GRB10: variants seen among roughly 807,000 people sequenced by gnomAD.
GRB10 encodes growth factor receptor bound protein 10.
A neutral mutation model predicts 80.9 loss-of-function variants in GRB10; 20 were observed. The observed-to-expected ratio is 0.25, with a 90% CI of 0.17 to 0.36. The LOEUF (loss-of-function observed/expected upper bound fraction) is 0.36, where lower values mean the gene tolerates loss of function less well. Among genes scored for constraint, GRB10 ranks in the 10% least tolerant of loss-of-function variants. GRB10 has a pLI of 1.00. For missense variants in GRB10, 548 were observed against 747.7 expected (o/e 0.73, Z 3.12); for synonymous variants, 291 against 291.5 (o/e 1.00, Z 0.02).
intron 4 of GRB10, among the ~76,000 whole-genome samples, chr7:50,724,517 A>T (rs2068273481): frequency 6.6e-6 from 1 of 152,204 alleles, no homozygotes; most frequent in Non-Finnish European, 1.5e-5. Context: ...CCTTCAAAAA[A>T]GTCAACATTG....
At chr7:50,604,946 G>A in intron 15 of GRB10, 2 of 327,034 alleles carry the variant, frequency 6.1e-6, no homozygotes, top group Non-Finnish European at 1.1e-5. Context: ...GTGAGCACCT[G>A]CTGGCCCCAC....
intron 4 of GRB10, among the ~76,000 whole-genome samples, chr7:50,709,434 G>C (rs1192829641): frequency 6.6e-6 from 1 of 152,212 alleles, no homozygotes; most frequent in Admixed American, 6.5e-5. Flanking sequence ...CAGCTGGGCT[G>C]TTCCTTCCGT....
intron 4 of GRB10, among the ~76,000 whole-genome samples, chr7:50,707,510 C>T (rs999555143): frequency 2.0e-5 from 3 of 152,228 alleles, no homozygotes; most frequent in Non-Finnish European, 4.4e-5. Context: ...TCCCCTCTTG[C>T]TTCTTTTATA....
chr7:50,791,118 C>G (rs2078897092), intron 1 of GRB10, among the ~76,000 whole-genome samples: 1 of 152,124 alleles, frequency 6.6e-6, no homozygotes, highest in South Asian at 2.1e-4. Context: ...AACGCTGCCC[C>G]AAAAGTGACC....
chr7:50,627,040 T>A, intron 7 of GRB10, 62 bp from the exon 8 acceptor site: 1 of 1,543,002 alleles, frequency 6.5e-7, no homozygotes, highest in Non-Finnish European at 8.9e-7. Flanking sequence ...AAATAAAAAC[T>A]GAAACAAAAG....
chr7:50,671,405 T>C (rs1377867290), intron 6 of GRB10, among the ~76,000 whole-genome samples: 3 of 152,252 alleles, frequency 2.0e-5, no homozygotes, highest in African/African-American at 7.2e-5. Flanking sequence ...TTTTTCTCTT[T>C]TACCAACTTT....
Position 50,592,797 on chromosome 7 carries a change from C to A in GRB10, c.*155G>T. 2 of 896,294 alleles carry A rather than the reference C, an allele frequency of 2.2e-6. No homozygotes were observed. Among genetic ancestry groups the A allele is most frequent in the South Asian group, 1.5e-5 (1 of 67,316 alleles). 55.5% of individuals were successfully genotyped at this position (896,294 alleles called of 1,614,324 possible). A position where few individuals can be genotyped will look rare whatever the true frequency, so the allele number is the denominator to read the frequency against. On this transcript the variant is annotated 3_prime_UTR_variant, in exon 19 of 19. Transcript: ENST00000401949. Reference sequence around the variant, plus strand: ...GCAGCAAATCGTCGTTTAAGTCCAACAAACTAGTCAATCTTGGTCGGCTGG... The same window carrying A: ...GCAGCAAATCGTCGTTTAAGTCCAAAAAACTAGTCAATCTTGGTCGGCTGG...
intron 5 of GRB10, among the ~76,000 whole-genome samples, chr7:50,703,148 T>C (rs1369047324): frequency 1.3e-5 from 2 of 152,234 alleles, no homozygotes; most frequent in African/African-American, 2.4e-5. Flanking sequence ...AGCTTTTATT[T>C]TTATAGTCAA....
At chr7:50,785,536 C>A (rs1312250884), upstream of GRB10, among the ~76,000 whole-genome samples, 1 of 152,248 alleles carries the variant, frequency 6.6e-6, no homozygotes, top group Non-Finnish European at 1.5e-5. Context: ...GATACATCCT[C>A]CACCCCAACC....
intron 4 of GRB10, among the ~76,000 whole-genome samples, chr7:50,709,559 T>TTC (rs1270366963): frequency 2.7e-5 from 4 of 150,906 alleles, no homozygotes; most frequent in African/African-American, 7.3e-5. Flanking sequence ...ATTAAACTCT[T>TTC]TTTTTTTGCT....
At chr7:50,663,639 C>T (rs2059502226) in intron 7 of GRB10, among the ~76,000 whole-genome samples, 1 of 152,228 alleles carries the variant, frequency 6.6e-6, no homozygotes, top group South Asian at 2.1e-4. Flanking sequence ...CTAACTGAGC[C>T]CTTCTCTCAC....
intron 7 of GRB10, among the ~76,000 whole-genome samples, chr7:50,646,814 T>A (rs2715109): frequency 8.5e-5 from 13 of 152,236 alleles, no homozygotes; most frequent in African/African-American, 3.1e-4. Flanking sequence ...CTTGGACCAA[T>A]TGGTGTAATG....
At chr7:50,735,419 T>C (rs1484364665) in intron 3 of GRB10, among the ~76,000 whole-genome samples, 1 of 152,212 alleles carries the variant, frequency 6.6e-6, no homozygotes, top group Non-Finnish European at 1.5e-5. Context: ...AATGATATTT[T>C]TTTTTGCAGA....
chr7:50,737,022 A>G (rs1202490291), intron 3 of GRB10, among the ~76,000 whole-genome samples: 1 of 152,270 alleles, frequency 6.6e-6, no homozygotes, highest in Non-Finnish European at 1.5e-5. Flanking sequence ...CAGGCCGAAG[A>G]AAAAATAAAC....
At chr7:50,693,746 A>G (rs776281935) in intron 5 of GRB10, among the ~76,000 whole-genome samples, 14 of 152,080 alleles carry the variant, frequency 9.2e-5, no homozygotes, top group African/African-American at 1.2e-4. Context: ...CTTTGCAGGC[A>G]TGGGATTGGG....
chr7:50,715,342 C>T (rs189956615), intron 4 of GRB10, among the ~76,000 whole-genome samples: 46 of 151,908 alleles, frequency 3.0e-4, no homozygotes, highest in Non-Finnish European at 5.4e-4. Flanking sequence ...GGATAAAGCT[C>T]GTTTTATTCA....
intron 3 of GRB10, among the ~76,000 whole-genome samples, chr7:50,738,954 T>C (rs895005843): frequency 1.7e-4 from 26 of 152,096 alleles, no homozygotes; most frequent in African/African-American, 6.3e-4. Context: ...AAGATTATCA[T>C]TATAAATAAT....
intron 5 of GRB10, among the ~76,000 whole-genome samples, chr7:50,682,358 A>C (rs2061639061): frequency 6.6e-6 from 1 of 152,196 alleles, no homozygotes; most frequent in African/African-American, 2.4e-5. Flanking sequence ...ACCTCTGCTG[A>C]CGTTTTCCCC....
intron 7 of GRB10, among the ~76,000 whole-genome samples, chr7:50,661,722 C>T (rs906754265): frequency 6.6e-6 from 1 of 152,308 alleles, no homozygotes; most frequent in Admixed American, 6.5e-5. Flanking sequence ...CCACAACCAA[C>T]TCACTGGGGC....
Sources: allele counts gnomAD v4.1 joint callset (sites outside exome capture counted in the v4.1 genomes callset), GRCh38; gene constraint gnomAD v4.1.1; transcripts MANE v1.5; gene names NCBI Gene and HGNC (gene_info 2026-07-23, HGNC 2026-07-21).